DOCK7: variants seen among roughly 807,000 people sequenced by gnomAD.
DOCK7 encodes dedicator of cytokinesis protein 7.
In DOCK7, 138 loss-of-function variants were observed where a neutral mutation model predicts 271.0. The observed-to-expected ratio is 0.51, with a 90% CI of 0.44 to 0.59. The LOEUF (loss-of-function observed/expected upper bound fraction) is 0.59. Among genes scored for constraint, DOCK7 ranks in the 20% least tolerant of loss-of-function variants. The probability of loss-of-function intolerance (pLI) is 0.00; values close to 1 mark genes in which losing one functional copy is unlikely to be tolerated. For synonymous variants in DOCK7, 823 were observed against 876.1 expected (o/e 0.94, Z 1.07); for missense variants, 2,066 against 2,592.4 (o/e 0.80, Z 4.41).
At chr1:62,672,689 T>C (rs1660145685) in intron 1 of DOCK7, among the ~76,000 whole-genome samples, 1 of 152,146 alleles carries the variant, frequency 6.6e-6, no homozygotes. Flanking sequence ...GCTTTCTGTA[T>C]TTCTAAATTC....
intron 1 of DOCK7, among the ~76,000 whole-genome samples, chr1:62,675,726 A>G (rs1417298266): frequency 6.6e-6 from 1 of 151,922 alleles, no homozygotes; most frequent in Non-Finnish European, 1.5e-5. Flanking sequence ...TGGAGCTTGC[A>G]ATGAGCCGAG....
At chr1:62,507,280 A>G (rs1311546347) in intron 35 of DOCK7, among the ~76,000 whole-genome samples, 3 of 152,180 alleles carry the variant, frequency 2.0e-5, no homozygotes, top group Non-Finnish European at 4.4e-5. Flanking sequence ...TATATTTACT[A>G]AAACATCTGA....
intron 37 of DOCK7, among the ~76,000 whole-genome samples, chr1:62,500,984 G>C (rs1291568461): frequency 6.6e-6 from 1 of 151,406 alleles, no homozygotes; most frequent in Non-Finnish European, 1.5e-5. Context: ...CTACAGTGAA[G>C]TACCATCATG....
chr1:62,605,218 T>C (rs1650809279), intron 14 of DOCK7: 1 of 187,822 alleles, frequency 5.3e-6, no homozygotes, highest in South Asian at 1.1e-4. Flanking sequence ...AACTCTAAAC[T>C]TGACTAAATA....
chr1:62,649,290 T>A (rs1203537905), intron 4 of DOCK7, among the ~76,000 whole-genome samples: 1 of 152,196 alleles, frequency 6.6e-6, no homozygotes, highest in East Asian at 1.9e-4. Flanking sequence ...GATGGTATAG[T>A]TCTTGTTATC....
chr1:62,564,517 CA>C (rs1318205311), intron 18 of DOCK7, among the ~76,000 whole-genome samples: 7 of 152,114 alleles, frequency 4.6e-5, no homozygotes, highest in African/African-American at 1.4e-4. Context: ...AACAAAGACA[CA>C]ACGTACCAGA....
intron 29 of DOCK7, among the ~76,000 whole-genome samples, chr1:62,534,379 C>A (rs981471070): frequency 6.6e-6 from 1 of 151,714 alleles, no homozygotes; most frequent in African/African-American, 2.4e-5. Context: ...GCTGGGAGGC[C>A]GAGGCGGGCT....
rs751215423 is a variant in DOCK7, at chr1:62,496,492, A to G, written c.4770T>C (p.Phe1590=). The change falls in exon 38 of 50, where the codon TTT becomes TTC. Residue 1590 remains phenylalanine, a synonymous_variant. Transcript: ENST00000635253. ...MRQNFEIGNN[F]ARVKMQVTMS... is the part of the protein sequence containing the mutation. ...TTGTTACCTGCATTTTAACCCTGGC[A>G]AAGTTCTGTAACAGAGAAATTGTCC... The G allele has an allele frequency of 5.2e-5, 84 of 1,611,608 alleles. No homozygotes were observed. In the East Asian group the frequency reaches 1.4e-3, roughly 27 times the overall value.
At chr1:62,581,389 G>A (rs558781785) in intron 16 of DOCK7, among the ~76,000 whole-genome samples, 4 of 152,216 alleles carry the variant, frequency 2.6e-5, no homozygotes, top group East Asian at 1.9e-4. Flanking sequence ...TAAATTTTGC[G>A]CCAGAGTAAC....
chr1:62,525,460 G>C (rs2149364115), intron 31 of DOCK7, among the ~76,000 whole-genome samples: 1 of 152,230 alleles, frequency 6.6e-6, no homozygotes, highest in South Asian at 2.1e-4. Context: ...TAATTACAAA[G>C]CTGTTTATTT....
Position 62,496,409 on chromosome 1 carries a change from C to A in DOCK7, c.4853G>T (p.Arg1618Leu). Residue 1618 changes from arginine to leucine, a missense_variant, in exon 38 of 50, where the codon CGT becomes CTT. Physicochemically the swap from Arg to Leu is moderately radical, Grantham distance 102 (BLOSUM62 -2). This residue lies in a region of DOCK7 where 652 missense variants were observed against 922.1 expected (regional missense o/e 0.71). Transcript: ENST00000635253. The stretch of plus-strand genomic sequence containing the variant: ...ATATGTCAATATAGTCTTTAGAGAA[C>A]GTCTTAAGAATTCTTCATTAAAATT... ...SQNFNEEFLR[R>L]SLKTILTYAE... The A allele has an allele frequency of 6.2e-7, 1 of 1,613,392 alleles. No individual in the cohort carries two copies. The highest frequency in any genetic ancestry group is 8.5e-7 in the Non-Finnish European group (1 of 1,179,560).
intron 1 of DOCK7, among the ~76,000 whole-genome samples, chr1:62,681,489 C>T (rs891820247): frequency 1.4e-5 from 2 of 145,124 alleles, no homozygotes. Context: ...ACATATGTAA[C>T]AAACCTGCAC....
intron 31 of DOCK7, among the ~76,000 whole-genome samples, chr1:62,523,851 A>G (rs987879105): frequency 3.9e-5 from 6 of 152,212 alleles, no homozygotes; most frequent in Non-Finnish European, 7.3e-5. Flanking sequence ...TGGGTGACAG[A>G]GCAAGACTCT....
intron 12 of DOCK7, among the ~76,000 whole-genome samples, chr1:62,621,324 T>G (rs1267729496): frequency 6.6e-6 from 1 of 152,240 alleles, no homozygotes; most frequent in Non-Finnish European, 1.5e-5. Context: ...CATAGCCGAT[T>G]AACACAAATG....
chr1:62,577,982 G>A (rs1394563908), intron 17 of DOCK7, among the ~76,000 whole-genome samples: 1 of 151,670 alleles, frequency 6.6e-6, no homozygotes, highest in Non-Finnish European at 1.5e-5. Flanking sequence ...AGAGTGCAAT[G>A]GCATGATCTT....
At chr1:62,532,937 T>C (rs187367344) in intron 29 of DOCK7, among the ~76,000 whole-genome samples, 199 of 152,252 alleles carry the variant, frequency 1.3e-3, no homozygotes, top group Non-Finnish European at 2.2e-3. Context: ...ATGGCAACTA[T>C]ATGCAAGACT....
At chr1:62,597,664 C>T in intron 14 of DOCK7, 1 of 1,613,388 alleles carries the variant, frequency 6.2e-7, no homozygotes, top group Non-Finnish European at 8.5e-7. Context: ...TCTCCAGAGC[C>T]AAAATCAAGA....
intron 4 of DOCK7, among the ~76,000 whole-genome samples, chr1:62,650,291 T>C (rs944726756): frequency 4.6e-5 from 7 of 152,172 alleles, no homozygotes; most frequent in Non-Finnish European, 1.0e-4. Context: ...TTTCGTTCAC[T>C]GCTGTATCAT....
intron 2 of DOCK7, among the ~76,000 whole-genome samples, chr1:62,657,050 A>C (rs1658104037): frequency 6.6e-6 from 1 of 152,188 alleles, no homozygotes. Flanking sequence ...CTCAGTAGAG[A>C]CCACTAAGGG....
Sources: gnomAD v4.1 joint callset for allele counts (sites outside exome capture counted in the v4.1 genomes callset) on GRCh38, gnomAD v4.1.1 for gene constraint, gnomAD v4.1.1 regional missense constraint, MANE v1.5 for transcripts, NCBI Gene and HGNC (gene_info 2026-07-23, HGNC 2026-07-21) for gene names.